JMY: variants seen among roughly 807,000 people sequenced by gnomAD.
JMY encodes junction mediating and regulatory protein, p53 cofactor.
JMY carries 46 observed loss-of-function variants against 103.3 expected under a neutral mutation model. The observed-to-expected ratio is 0.45, with a 90% CI of 0.35 to 0.57. JMY has a LOEUF of 0.57. Among genes scored for constraint, JMY ranks in the 20% least tolerant of loss-of-function variants. JMY has a pLI of 0.00. For missense variants in JMY, 1,238 were observed against 1,255.2 expected, an observed-to-expected ratio of 0.99 and a Z score of 0.21; for synonymous variants, 526 against 489.3, an observed-to-expected ratio of 1.07 and a Z score of -0.99.
rs766189275 is a variant in JMY, at chr5:79,322,057, C to T, written c.*455C>T. On this transcript the variant is annotated 3_prime_UTR_variant, in exon 11 of 11. Coordinates refer to ENST00000396137, the MANE Select transcript of JMY (RefSeq NM_152405.5). ...CTTCCATATCAGCTTATATTAAATA[C>T]TGTGACACTCTGAGAAAGTTTATCA... 5.3e-5 allele frequency: 8 copies of T among 152,172 alleles called. No homozygotes were observed. The highest frequency in any genetic ancestry group is 8.8e-5 in the Non-Finnish European group (6 of 68,038). 9.4% of individuals were successfully genotyped at this position (152,172 alleles called of 1,614,324 possible).
intron 1 of JMY, among the ~76,000 whole-genome samples, chr5:79,271,805 T>C (rs1745791439): frequency 6.6e-6 from 1 of 152,156 alleles, no homozygotes; most frequent in Non-Finnish European, 1.5e-5. Context: ...ATTGACTCTT[T>C]CGTGTTTATA....
chr5:79,315,889 T>C (rs1046247148), intron 9 of JMY, 111 bp from the exon 10 acceptor site: 11 of 832,694 alleles, frequency 1.3e-5, no homozygotes, highest in Non-Finnish European at 2.2e-5. Context: ...ATTTTGAAGA[T>C]GGTGTTTCAG....
intron 6 of JMY, 30 bp from the exon 7 acceptor site, chr5:79,306,345 T>C: frequency 2.7e-6 from 4 of 1,497,924 alleles, no homozygotes; most frequent in Non-Finnish European, 3.7e-6. Context: ...AAGTTTCACT[T>C]GTATTAAAAC....
rs1436742480 is a variant in JMY, at chr5:79,236,901, C to A, written c.251C>A (p.Pro84Gln). 1.5e-6 allele frequency: 2 copies of A among 1,358,138 alleles called. No homozygotes were observed. Among genetic ancestry groups the A allele is most frequent in the Non-Finnish European group, 1.9e-6 (2 of 1,059,584 alleles). The allele number at this position is 1,358,138 out of a possible 1,614,324, so 84.1% of individuals were successfully genotyped here. The change falls in exon 1 of 11, where the codon CCG becomes CAG. Residue 84 changes from proline to glutamine, a missense_variant. By Grantham distance (76) the Pro-to-Gln change is moderately conservative. Transcript: ENST00000396137. ...GACGGGAGCCGCGGGCCCGGCAGCC[C>A]GGCGGGCAGGGGTCGGCCCGAGGCC... Reference protein sequence around the residue: ...ASDGSRGPGSPAGRGRPEATA... With the variant: ...ASDGSRGPGSQAGRGRPEATA...
At chr5:79,306,330 C>A in intron 6 of JMY, 45 bp from the exon 7 acceptor site, 1 of 1,374,248 alleles carries the variant, frequency 7.3e-7, no homozygotes, top group Non-Finnish European at 1.0e-6. Context: ...TGTTCAGAGT[C>A]TTTCAAGTTT....
chr5:79,321,046 T>C (rs1316528928), intron 10 of JMY, among the ~76,000 whole-genome samples: 4 of 152,256 alleles, frequency 2.6e-5, no homozygotes, highest in African/African-American at 9.6e-5. Flanking sequence ...AAGTGCTCAT[T>C]AGCCACATGT....
intron 10 of JMY, among the ~76,000 whole-genome samples, chr5:79,319,868 CTG>C (rs1159667577): frequency 2.0e-5 from 3 of 152,166 alleles, no homozygotes; most frequent in African/African-American, 7.2e-5. Flanking sequence ...GTGTGAGCCA[CTG>C]TGCCTGGCCA....
intron 1 of JMY, among the ~76,000 whole-genome samples, chr5:79,255,787 G>A (rs1262652771): frequency 1.3e-5 from 2 of 152,216 alleles, no homozygotes; most frequent in East Asian, 3.9e-4. Context: ...TAACAACAGA[G>A]TTTCTCTCTC....
intron 7 of JMY, among the ~76,000 whole-genome samples, chr5:79,311,611 C>A (rs573690792): frequency 6.6e-6 from 1 of 152,132 alleles, no homozygotes; most frequent in Non-Finnish European, 1.5e-5. Context: ...TATAGAAAGC[C>A]TTTTCATTTA....
At chr5:79,288,587 C>G (rs928257129) in intron 2 of JMY, among the ~76,000 whole-genome samples, 1 of 152,070 alleles carries the variant, frequency 6.6e-6, no homozygotes, top group Non-Finnish European at 1.5e-5. Context: ...TCATTATTCC[C>G]TTTCGAAAGT....
At position 79,237,331 on chromosome 5, in the gene JMY, C is replaced by T; in HGVS notation, c.681C>T (p.Cys227=). The T allele has an allele frequency of 5.0e-6, 8 of 1,592,974 alleles. No homozygotes were observed. The highest frequency in any genetic ancestry group is 2.3e-5 in the East Asian group (1 of 43,426). Residue 227 remains cysteine, a synonymous_variant, in exon 1 of 11, where the codon TGC becomes TGT. Coordinates refer to ENST00000396137, the MANE Select transcript of JMY (RefSeq NM_152405.5). The part of the protein sequence containing the change: ...ATELESPAEE[C]SWAGLFSFQD... Reference sequence around the variant, plus strand: ...AGCTGGAGTCTCCGGCCGAAGAGTGCAGCTGGGCCGGACTGTTTTCTTTCC... The same window carrying T: ...AGCTGGAGTCTCCGGCCGAAGAGTGTAGCTGGGCCGGACTGTTTTCTTTCC...
intron 1 of JMY, among the ~76,000 whole-genome samples, chr5:79,242,783 CTTTTTT>C (rs71615514): frequency 7.1e-6 from 1 of 140,644 alleles, no homozygotes; most frequent in African/African-American, 2.6e-5. Flanking sequence ...TCAATAATGA[CTTTTTT>C]TTTTTTTTTT....
intron 1 of JMY, among the ~76,000 whole-genome samples, chr5:79,274,227 A>G (rs780428223): frequency 1.3e-5 from 2 of 151,984 alleles, no homozygotes; most frequent in Non-Finnish European, 2.9e-5. Context: ...CGAATTTTCT[A>G]TCCTAGAATT....
intron 1 of JMY, among the ~76,000 whole-genome samples, chr5:79,248,859 A>G (rs1357284729): frequency 2.0e-5 from 3 of 151,388 alleles, no homozygotes; most frequent in East Asian, 2.0e-4. Flanking sequence ...CCTGGGCTCT[A>G]GTGATCCTCC....
At position 79,237,017 on chromosome 5, in the gene JMY, C is replaced by T. The variant is rs535455299; in HGVS notation, c.367C>T (p.Leu123=). 40 of 1,496,512 alleles carry T rather than the reference C, an allele frequency of 2.7e-5. No individual in the cohort carries two copies. In the African/African-American group the frequency reaches 4.9e-4, roughly 18 times the overall value. 92.7% of individuals were successfully genotyped at this position (1,496,512 alleles called of 1,614,324 possible). A position where few individuals can be genotyped will look rare whatever the true frequency, so the allele number is the denominator to read the frequency against. The part of the protein sequence containing the change: ...GGSPRSTRSL[L]GDPRLRSPGS... ...CTCTCCTCGGAGCACTCGCAGCCTT[C>T]TGGGGGACCCGCGGCTGCGGAGTCC... Residue 123 remains leucine (L), a synonymous_variant, in exon 1 of 11, where the codon CTG becomes TTG. Transcript: ENST00000396137.
chr5:79,251,007 A>AT (rs1193523119), intron 1 of JMY, among the ~76,000 whole-genome samples: 1 of 152,004 alleles, frequency 6.6e-6, no homozygotes, highest in African/African-American at 2.4e-5. Flanking sequence ...CATTAGTGTG[A>AT]TTTTCAAAGG....
chr5:79,309,195 G>A (rs1304742272), intron 7 of JMY, among the ~76,000 whole-genome samples: 1 of 152,052 alleles, frequency 6.6e-6, no homozygotes, highest in Non-Finnish European at 1.5e-5. Flanking sequence ...TGAAAGGAGT[G>A]GTAAGGGGGA....
intron 7 of JMY, among the ~76,000 whole-genome samples, chr5:79,309,542 A>G (rs1746984433): frequency 6.6e-6 from 1 of 152,178 alleles, no homozygotes; most frequent in Non-Finnish European, 1.5e-5. Flanking sequence ...AGAAATGCCA[A>G]CATGACCATA....
chr5:79,283,019 G>A (rs181752139), intron 2 of JMY, among the ~76,000 whole-genome samples: 55 of 150,366 alleles, frequency 3.7e-4, no homozygotes, highest in African/African-American at 1.1e-3. Flanking sequence ...ATTTTGAGAC[G>A]GAGTTTCACT....
Sources: allele counts gnomAD v4.1 joint callset (sites outside exome capture counted in the v4.1 genomes callset), GRCh38; gene constraint gnomAD v4.1.1; transcripts MANE v1.5; gene names NCBI Gene and HGNC (gene_info 2026-07-23, HGNC 2026-07-21).